The following SNX14 variants were observed in gnomAD, a reference collection of about 807,000 sequenced individuals.
SNX14 encodes the protein sorting nexin-14.
A neutral mutation model predicts 133.8 loss-of-function variants in SNX14; 93 were observed. That is an observed-to-expected ratio of 0.70 (90% CI 0.59 to 0.83). The LOEUF is 0.83. SNX14 is among the 40% of genes least tolerant of loss of function. SNX14 has a pLI of 0.00. For synonymous variants in SNX14, 368 were observed against 365.6 expected (o/e 1.01, Z -0.07); for missense variants, 945 against 1,094.9 (o/e 0.86, Z 1.93).
Position 85,593,596 on chromosome 6 carries a change from G to C in SNX14, c.123C>G (p.Ala41=). 2 of 1,612,372 alleles carry C rather than the reference G, an allele frequency of 1.2e-6. No individual in the cohort carries two copies. Among genetic ancestry groups the C allele is most frequent in the South Asian group, 2.2e-5 (2 of 90,780 alleles). The part of the protein sequence containing the change: ...FCFLLLCLSA[A]SLLLNRYIHI... ...GGCGTTACCTGTTAAGAAGCAGGGA[G>C]GCGGCGCTGAGACAGAGCAGCAGGA... The change falls in exon 1 of 29, where the codon GCC becomes GCG. Residue 41 remains alanine (A), a synonymous_variant. Transcript: ENST00000314673.
At chr6:85,588,923 G>T (rs1007028932) in intron 1 of SNX14, 3 of 455,292 alleles carry the variant, frequency 6.6e-6, no homozygotes, top group Non-Finnish European at 1.3e-5. Context: ...CACTGGGTAG[G>T]CTGAAGAGGA....
At chr6:85,508,432 A>G in intron 26 of SNX14, 3 of 941,948 alleles carry the variant, frequency 3.2e-6, no homozygotes, top group Non-Finnish European at 3.8e-6. Flanking sequence ...ACATCTGTAC[A>G]TACATGTATA....
At chr6:85,507,126 C>T in intron 28 of SNX14, 107 bp downstream of exon 28, 2 of 1,023,704 alleles carry the variant, frequency 2.0e-6, no homozygotes, top group African/African-American at 1.6e-5. Context: ...TTTTAAAGAA[C>T]CACAGAGAAC....
chr6:85,533,891 T>C (rs1032806958), intron 17 of SNX14, 91 bp from the exon 18 acceptor site: 2 of 968,710 alleles, frequency 2.1e-6, no homozygotes, highest in South Asian at 3.4e-5. Context: ...TATGCCCATA[T>C]CAATTGATAA....
At chr6:85,545,028 T>C (rs1458325398) in intron 12 of SNX14, among the ~76,000 whole-genome samples, 1 of 152,164 alleles carries the variant, frequency 6.6e-6, no homozygotes, top group Non-Finnish European at 1.5e-5. Context: ...TTAAAATACA[T>C]GACAACAGGA....
intron 26 of SNX14, 43 bp from the exon 27 acceptor site, chr6:85,508,102 G>A (rs1337776380): frequency 6.3e-7 from 1 of 1,585,302 alleles, no homozygotes; most frequent in South Asian, 1.1e-5. Context: ...ATATTATAAA[G>A]TGACTCACCA....
At chr6:85,548,512 A>G (rs945610775) in intron 8 of SNX14, 136 bp from the exon 9 acceptor site, 14 of 617,750 alleles carry the variant, frequency 2.3e-5, no homozygotes, top group Non-Finnish European at 2.7e-6. Flanking sequence ...AGGCCCTAAA[A>G]GTCTGCATTT....
At chr6:85,592,626 T>G (rs1257934871) in intron 1 of SNX14, among the ~76,000 whole-genome samples, 1 of 152,208 alleles carries the variant, frequency 6.6e-6, no homozygotes, top group African/African-American at 2.4e-5. Flanking sequence ...CAATTGAATT[T>G]ATCAATTTTA....
At chr6:85,541,662 A>G (rs1422332464) in intron 15 of SNX14, among the ~76,000 whole-genome samples, 2 of 152,176 alleles carry the variant, frequency 1.3e-5, no homozygotes, top group African/African-American at 4.8e-5. Context: ...TTTCTCTAAA[A>G]CGTTTAATTC....
intron 1 of SNX14, among the ~76,000 whole-genome samples, chr6:85,587,207 C>CA (rs61330164): frequency 4.3e-4 from 63 of 147,148 alleles, no homozygotes; most frequent in African/African-American, 7.2e-4. Flanking sequence ...AAAGATAAGG[C>CA]AAAAAAAAAA....
At position 85,549,709 on chromosome 6, in the gene SNX14, T is replaced by C. The variant is rs774035897; in HGVS notation, c.791+14A>G. On this transcript the variant is annotated intron_variant, in intron 8 of 28. Coordinates refer to ENST00000314673, the MANE Select transcript of SNX14 (RefSeq NM_153816.6). ...GTTATGCAAATACTATTATATTGTC[T>C]AGTCTTTTTATACCTGCAGTCTGTT... is the stretch of plus-strand genomic sequence containing the variant. 1.2e-6 allele frequency: 2 copies of C among 1,605,832 alleles called. No homozygotes were observed. Among genetic ancestry groups the C allele is most frequent in the Admixed American group, 3.5e-5 (2 of 57,950 alleles).
chr6:85,536,849 GGTACTTTT>G lies in SNX14; in HGVS notation c.1543_1550del (p.Lys515HisfsTer9). On this transcript the variant is annotated frameshift_variant, in exon 17 of 29. Coordinates refer to ENST00000314673, the MANE Select transcript of SNX14 (RefSeq NM_153816.6). LOFTEE classifies it high-confidence loss of function. ...TAGGCAACATAGCTCCCTCCATTGT[GGTACTTTT>G]GAATACTCCTTTAATTTTGCTACCT... is the stretch of plus-strand genomic sequence containing the variant. 1 of 1,613,130 alleles carries G rather than the reference GGTACTTTT, an allele frequency of 6.2e-7. No individual in the cohort carries two copies. Among genetic ancestry groups the G allele is most frequent in the East Asian group, 2.2e-5 (1 of 44,736 alleles).
chr6:85,559,166 C>A (rs1437642213), intron 6 of SNX14, among the ~76,000 whole-genome samples: 2 of 151,798 alleles, frequency 1.3e-5, no homozygotes, highest in African/African-American at 4.8e-5. Context: ...GGATCATAAA[C>A]CCCCAAATTT....
intron 1 of SNX14, among the ~76,000 whole-genome samples, chr6:85,591,711 C>A (rs1214203459): frequency 6.6e-6 from 1 of 152,096 alleles, no homozygotes; most frequent in African/African-American, 2.4e-5. Flanking sequence ...AATCCATGGA[C>A]AAAAGTTAAT....
chr6:85,557,005 G>C (rs1790018228), intron 7 of SNX14, among the ~76,000 whole-genome samples: 1 of 152,064 alleles, frequency 6.6e-6, no homozygotes, highest in African/African-American at 2.4e-5. Context: ...AATGAATTTG[G>C]AACATGATAG....
intron 23 of SNX14, among the ~76,000 whole-genome samples, chr6:85,516,632 CTTTTTTTTTTTTTTTT>C: frequency 7.9e-6 from 1 of 126,448 alleles, no homozygotes; most frequent in South Asian, 2.5e-4. Context: ...CTTCCTTAAT[CTTTTTTTTTTTTTTTT>C]TTTTTTGGAG....
At chr6:85,548,531 C>T (rs1205940073) in intron 8 of SNX14, among the ~76,000 whole-genome samples, 155 bp from the exon 9 acceptor site, 1 of 152,184 alleles carries the variant, frequency 6.6e-6, no homozygotes, top group Admixed American at 6.5e-5. Context: ...TTCTAACAAA[C>T]TCTCAACCAA....
chr6:85,546,876 G>A (rs935824115), intron 12 of SNX14, among the ~76,000 whole-genome samples: 3 of 150,450 alleles, frequency 2.0e-5, no homozygotes, highest in African/African-American at 7.4e-5. Context: ...CAGGAGAATC[G>A]CTTGAACCCA....
Position 85,517,648 on chromosome 6 carries a change from T to C in SNX14, c.2268+108A>G, listed in dbSNP as rs541233079. On this transcript the variant is annotated intron_variant, in intron 23 of 28. Transcript: ENST00000314673. ...CTGATTTCCACATAAAGGAAATGTA[T>C]AGCTCAATCCATTTCATTAACAAAG... 5 of 1,301,336 alleles carry C rather than the reference T, an allele frequency of 3.8e-6. No individual in the cohort carries two copies. In the African/African-American group the frequency reaches 7.5e-5, roughly 19 times the overall value. 80.6% of individuals were successfully genotyped at this position (1,301,336 alleles called of 1,614,324 possible).
Sources: gnomAD v4.1 joint callset for allele counts (sites outside exome capture counted in the v4.1 genomes callset) on GRCh38, gnomAD v4.1.1 for gene constraint, MANE v1.5 for transcripts, NCBI Gene and HGNC (gene_info 2026-07-23, HGNC 2026-07-21) for gene names.